Variants in MMP25 observed in about 807,000 individuals in gnomAD.
MMP25 encodes the protein matrix metallopeptidase 25.
MMP25 carries 68 observed loss-of-function variants against 62.1 expected under a neutral mutation model. The observed-to-expected ratio is 1.10, with a 90% CI of 0.90 to 1.34. The LOEUF is 1.34. Among genes scored for constraint, MMP25 ranks in the 40% most tolerant of loss-of-function variants. The probability of loss-of-function intolerance (pLI) is 0.00; values close to 1 mark genes in which losing one functional copy is unlikely to be tolerated. For missense variants in MMP25, 942 were observed against 792.5 expected, an observed-to-expected ratio of 1.19 and a Z score of -2.26; for synonymous variants, 407 against 345.6, an observed-to-expected ratio of 1.18 and a Z score of -1.97.
At chr16:3,047,645 T>A (rs1037230433) in intron 2 of MMP25, 98 bp downstream of exon 2, 1 of 1,376,712 alleles carries the variant, frequency 7.3e-7, no homozygotes, top group Middle Eastern at 2.6e-4. Context: ...AACACGGAGC[T>A]GTGAAGATGC....
intron 7 of MMP25, 30 bp from the exon 8 acceptor site, chr16:3,058,151 C>A: frequency 6.2e-7 from 1 of 1,605,086 alleles, no homozygotes; most frequent in Non-Finnish European, 8.5e-7. Context: ...CTGTCTCATG[C>A]CTTCCTGCGA....
In MMP25 at chr16:3,050,449, G is replaced by A. The variant is rs747582945; in HGVS notation, c.564G>A (p.Leu188=). 1.2e-6 allele frequency: 2 copies of A among 1,613,304 alleles called. No homozygotes were observed. The highest frequency in any genetic ancestry group is 1.7e-6 in the Non-Finnish European group (2 of 1,179,772). The change falls in exon 4 of 10, where the codon TTG becomes TTA. Residue 188 remains leucine (L), a synonymous_variant. Coordinates refer to ENST00000336577, the MANE Select transcript of MMP25 (RefSeq NM_022468.5). ...FHQDSYPFDG[L]GGTLAHAFFP... ...AGGACAGCTACCCCTTCGACGGGTT[G>A]GGGGGCACCCTAGCCCATGCCTTCT...
chr16:3,050,795 T>G (rs116736171), intron 4 of MMP25, among the ~76,000 whole-genome samples: 1,912 of 152,234 alleles, frequency 0.013, 44 homozygotes, highest in African/African-American at 0.044. Context: ...TTGTTTGTTT[T>G]TTTTACTTTT....
At chr16:3,048,268 G>A (rs923405458) in intron 2 of MMP25, among the ~76,000 whole-genome samples, 4 of 152,178 alleles carry the variant, frequency 2.6e-5, no homozygotes, top group Non-Finnish European at 4.4e-5. Flanking sequence ...TGATTGCACC[G>A]TTGCACTCCA....
At chr16:3,053,510 T>C (rs1955941798) in intron 4 of MMP25, 2 of 152,262 alleles carry the variant, frequency 1.3e-5, no homozygotes, top group South Asian at 2.1e-4. Flanking sequence ...CATTCACCCA[T>C]GCCTCTCAGC....
rs748540592 is a variant in MMP25 at position 3,057,088 on chromosome 16, G to C, written c.717G>C (p.Leu239=). ...CTGTCCATGAGTTTGGCCACGCCCT[G>C]GGCCTGGGCCACTCCTCAGCCCCCA... ...AVAVHEFGHA[L]GLGHSSAPNS... Residue 239 remains leucine, a synonymous_variant, in exon 5 of 10, where the codon CTG becomes CTC. Transcript: ENST00000336577. 1 of 1,611,282 alleles carries C rather than the reference G, an allele frequency of 6.2e-7. No individual in the cohort carries two copies. Among genetic ancestry groups the C allele is most frequent in the African/African-American group, 1.3e-5 (1 of 74,826 alleles).
At position 3,050,566 on chromosome 16, in the gene MMP25, G is replaced by A. The variant is rs1445199673; in HGVS notation, c.661+20G>A. 4.6e-6 allele frequency: 7 copies of A among 1,510,548 alleles called. No individual in the cohort carries two copies. Among genetic ancestry groups the A allele is most frequent in the Non-Finnish European group, 8.8e-7 (1 of 1,132,578 alleles). The allele number at this position is 1,510,548 out of a possible 1,614,324, so 93.6% of individuals were successfully genotyped here. ...CAAAAGGTAAAATCTCCTCTCTTAT[G>A]AGAGATCCTCTTGCCAGGTCTGGTC... On this transcript the variant is annotated intron_variant, in intron 4 of 9. Transcript: ENST00000336577.
chr16:3,049,512 CCCCAGAGAGA>C (rs1275579910), intron 2 of MMP25, among the ~76,000 whole-genome samples: 1 of 152,176 alleles, frequency 6.6e-6, no homozygotes, highest in Non-Finnish European at 1.5e-5. Context: ...GGAAAGGGGA[CCCCAGAGAGA>C]CCTAACCCAG....
chr16:3,050,302 G>A lies in MMP25; in HGVS notation c.417G>A (p.Arg139=), dbSNP rs976781077. Residue 139 remains arginine, a synonymous_variant, in exon 4 of 10, where the codon CGG becomes CGA. Transcript: ENST00000336577. ...QSSQLSQETV[R]VLMSYALMAW... ...CCCAGCTGAGCCAGGAGACCGTGCG[G>A]GTCCTCATGAGCTATGCCCTGATGG... is the stretch of plus-strand genomic sequence containing the variant. The A allele has an allele frequency of 3.7e-6, 6 of 1,612,716 alleles. No individual in the cohort carries two copies. The highest frequency in any genetic ancestry group is 5.1e-6 in the Non-Finnish European group (6 of 1,179,150).
chr16:3,049,860 G>C (rs1276775413), intron 2 of MMP25, 149 bp from the exon 3 acceptor site: 1 of 1,161,118 alleles, frequency 8.6e-7, no homozygotes, highest in Non-Finnish European at 1.3e-6. Flanking sequence ...AGACTGCCTG[G>C]GTTCAAACCT....
In MMP25 at chr16:3,059,666, C is replaced by G. The variant is rs1956082230; in HGVS notation, c.*568C>G. On this transcript the variant is annotated 3_prime_UTR_variant, in exon 10 of 10. Coordinates refer to ENST00000336577, the MANE Select transcript of MMP25 (RefSeq NM_022468.5). ...TGCGAAGCTGTGCCTTGCCCCTCTC[C>G]CACCCGCAGTTTCTCACCCCGTTCT... The G allele has an allele frequency of 6.6e-6, 1 of 152,592 alleles. No individual in the cohort carries two copies. Among genetic ancestry groups the G allele is most frequent in the Admixed American group, 6.5e-5 (1 of 15,290 alleles). The allele number at this position is 152,592 out of a possible 1,614,324, so 9.5% of individuals were successfully genotyped here.
At position 3,059,400 on chromosome 16, in the gene MMP25, C is replaced by A; in HGVS notation, c.*302C>A. The A allele has an allele frequency of 3.4e-6, 1 of 290,668 alleles. No homozygotes were observed. The highest frequency in any genetic ancestry group is 6.4e-6 in the Non-Finnish European group (1 of 157,032). The allele number at this position is 290,668 out of a possible 1,614,324, so 18.0% of individuals were successfully genotyped here. On this transcript the variant is annotated 3_prime_UTR_variant, in exon 10 of 10. Coordinates refer to ENST00000336577, the MANE Select transcript of MMP25 (RefSeq NM_022468.5). ...CGTCGCCCCCGTCGTTCCCTCCCGG[C>A]TGCCGCCAGGGGGCGGTCGGACCCC...
At chr16:3,058,374 G>A in intron 8 of MMP25, 38 bp from the exon 9 acceptor site, 1 of 1,497,832 alleles carries the variant, frequency 6.7e-7, no homozygotes, top group Admixed American at 2.3e-5. Flanking sequence ...GGCCGGCGCG[G>A]GGAGCCCACC....
At chr16:3,051,570 G>A (rs1258877435) in intron 4 of MMP25, 1 of 152,212 alleles carries the variant, frequency 6.6e-6, no homozygotes, top group Non-Finnish European at 1.5e-5. Context: ...GGGCCAAACT[G>A]ACACACACAA....
chr16:3,050,418 T>G lies in MMP25; in HGVS notation c.533T>G (p.Phe178Cys). 1 of 1,613,976 alleles carries G rather than the reference T, an allele frequency of 6.2e-7. No individual in the cohort carries two copies. The highest frequency in any genetic ancestry group is 1.3e-5 in the African/African-American group (1 of 75,038). Residue 178 changes from phenylalanine (F) to cysteine (C), a missense_variant, in exon 4 of 10, where the codon TTC (phenylalanine) becomes TGC (cysteine). Transcript: ENST00000336577. Reference sequence around the variant, plus strand: ...ATCCTCATCGACTTTGCCCGCGCCTTCCACCAGGACAGCTACCCCTTCGAC... The same window carrying G: ...ATCCTCATCGACTTTGCCCGCGCCTGCCACCAGGACAGCTACCCCTTCGAC... ...PDILIDFARA[F>C]HQDSYPFDGL...
Position 3,046,675 on chromosome 16 carries a change from T to C in MMP25, c.-243T>C, listed in dbSNP as rs1955823908. On this transcript the variant is annotated 5_prime_UTR_variant, in exon 1 of 10. Coordinates refer to ENST00000336577, the MANE Select transcript of MMP25 (RefSeq NM_022468.5). ...CGCCGCTCCCGCGCCCTCTCAACCATCCTGGGATTCCCGGGCCCACCCGAC... is the reference window on the plus strand; with the variant it reads ...CGCCGCTCCCGCGCCCTCTCAACCACCCTGGGATTCCCGGGCCCACCCGAC... The C allele has an allele frequency of 3.1e-6, 1 of 327,098 alleles. No homozygotes were observed. The highest frequency in any genetic ancestry group is 5.1e-5 in the Admixed American group (1 of 19,738). 20.3% of individuals were successfully genotyped at this position (327,098 alleles called of 1,614,324 possible).
intron 2 of MMP25, among the ~76,000 whole-genome samples, chr16:3,048,480 G>A (rs1955852929): frequency 6.6e-6 from 1 of 152,216 alleles, no homozygotes; most frequent in Non-Finnish European, 1.5e-5. Context: ...ATGGCGGTGA[G>A]TGTTTAGAAA....
Position 3,050,031 on chromosome 16 carries a change from G to A in MMP25, c.255G>A (p.Met85Ile). 6.2e-7 allele frequency: 1 copy of A among 1,610,252 alleles called. No homozygotes were observed. Among genetic ancestry groups the A allele is most frequent in the South Asian group, 1.1e-5 (1 of 91,086 alleles). Residue 85 changes from methionine to isoleucine, a missense_variant, in exon 3 of 10, where the codon ATG (methionine) becomes ATA (isoleucine). Physicochemically the swap from Met to Ile is conservative, Grantham distance 10. Transcript: ENST00000336577. ...CAGACCCAGGGACAGTGGCCACCAT[G>A]CGTAAGCCCCGCTGCTCCCTGCCTG... ...GRMDPGTVAT[M>I]RKPRCSLPDV...
At position 3,058,535 on chromosome 16, in the gene MMP25, C is replaced by A. The variant is rs769452177; in HGVS notation, c.1283C>A (p.Thr428Asn). The change falls in exon 9 of 10, where the codon ACC becomes AAC. Residue 428 changes from threonine to asparagine, a missense_variant. By Grantham distance (65) the Thr-to-Asn change is moderately conservative. Transcript: ENST00000336577. ...TTCTCGTGGCCACAGAACGGGAAGA[C>A]CTACCTGGTCCGCGGCCGGCAGTAC... is the stretch of plus-strand genomic sequence containing the variant. ...AVFSWPQNGK[T>N]YLVRGRQYWR... is the part of the protein sequence containing the mutation. 5.0e-6 allele frequency: 8 copies of A among 1,611,146 alleles called. No individual in the cohort carries two copies. In the South Asian group the frequency reaches 8.8e-5, roughly 18 times the overall value.
Sources: allele counts gnomAD v4.1 joint callset (sites outside exome capture counted in the v4.1 genomes callset), GRCh38; gene constraint gnomAD v4.1.1; transcripts MANE v1.5; gene names NCBI Gene and HGNC (gene_info 2026-07-23, HGNC 2026-07-21).